Variants in NR2F1-AS1 observed in about 807,000 individuals in gnomAD.
NR2F1-AS1 encodes NR2F1 antisense RNA 1.
Position 93,497,388 on chromosome 5 carries a change from G to A in NR2F1-AS1, n.638+56373C>T, listed in dbSNP as rs139601214. 9.9e-5 allele frequency among the ~76,000 whole-genome samples: 15 copies of A among 152,252 alleles called. No homozygotes were observed. The East Asian group carries it at 2.9e-3, about 29-fold the overall frequency. On this transcript the variant is annotated intron_variant and non_coding_transcript_variant, in intron 4 of 5. Coordinates refer to ENST00000660523, the Ensembl canonical transcript of NR2F1-AS1. Reference sequence around the variant, plus strand: ...CTGGCTGGCTGAAACCAAATATAAGGTTGTGTTCTCTTCACCCAGCTGTCA... The same window carrying A: ...CTGGCTGGCTGAAACCAAATATAAGATTGTGTTCTCTTCACCCAGCTGTCA...
chr5:93,444,449 A>G (rs1420136843), intron 4 of NR2F1-AS1, among the ~76,000 whole-genome samples: 1 of 152,228 alleles, frequency 6.6e-6, no homozygotes, highest in Non-Finnish European at 1.5e-5. Context: ...AAAAGAGACA[A>G]ACAAGGCCAT....
intron 4 of NR2F1-AS1, among the ~76,000 whole-genome samples, chr5:93,462,480 T>C (rs762579639): frequency 5.9e-5 from 9 of 152,288 alleles, no homozygotes; most frequent in African/African-American, 2.2e-4. Context: ...GAAAATAGAA[T>C]AATATAGTAA....
In NR2F1-AS1 at chr5:93,505,085, G is replaced by C. The variant is rs1397643790; in HGVS notation, n.638+48676C>G. 2.0e-5 allele frequency among the ~76,000 whole-genome samples: 3 copies of C among 152,256 alleles called. No homozygotes were observed. The South Asian group carries it at 6.2e-4, about 32-fold the overall frequency. ...TAAATACAATGGGGGTACAGGTATT[G>C]GGTAAATACAGCTGTTCCAAATGAA... On this transcript the variant is annotated intron_variant and non_coding_transcript_variant, in intron 4 of 5. Coordinates refer to ENST00000660523, the Ensembl canonical transcript of NR2F1-AS1.
intron 1 of NR2F1-AS1, among the ~76,000 whole-genome samples, chr5:93,569,284 G>A (rs1320920788): frequency 1.3e-5 from 2 of 152,182 alleles, no homozygotes; most frequent in African/African-American, 4.8e-5. Context: ...GGCCAAGAGA[G>A]GCTTTAAGGG....
chr5:93,490,345 T>A (rs1007599364), intron 4 of NR2F1-AS1, among the ~76,000 whole-genome samples: 24 of 152,224 alleles, frequency 1.6e-4, no homozygotes, highest in African/African-American at 5.5e-4. Context: ...GTGTAAACTG[T>A]CACAAAAACT....
intron 4 of NR2F1-AS1, among the ~76,000 whole-genome samples, chr5:93,430,080 A>G (rs1363701173): frequency 2.0e-5 from 3 of 152,188 alleles, no homozygotes; most frequent in African/African-American, 7.2e-5. Context: ...CTCGACAATT[A>G]ATTTTTGCAG....
intron 4 of NR2F1-AS1, among the ~76,000 whole-genome samples, chr5:93,441,406 G>A (rs1338186760): frequency 6.6e-6 from 1 of 152,174 alleles, no homozygotes; most frequent in Non-Finnish European, 1.5e-5. Flanking sequence ...AAAGAAGAGA[G>A]ACCTTCAAGT....
At chr5:93,471,006 C>A (rs1019110386) in intron 4 of NR2F1-AS1, among the ~76,000 whole-genome samples, 1 of 151,676 alleles carries the variant, frequency 6.6e-6, no homozygotes, top group African/African-American at 2.4e-5. Context: ...TCCATTTATA[C>A]CAAATTTTAC....
intron 4 of NR2F1-AS1, among the ~76,000 whole-genome samples, chr5:93,468,890 T>G (rs1483609797): frequency 2.0e-5 from 3 of 152,322 alleles, no homozygotes; most frequent in African/African-American, 7.2e-5. Context: ...CCAGCACCAT[T>G]TATTAAGCAG....
At chr5:93,581,522 G>A (rs1377422951), upstream of NR2F1-AS1, among the ~76,000 whole-genome samples, 2 of 152,052 alleles carry the variant, frequency 1.3e-5, no homozygotes, top group African/African-American at 4.8e-5. Context: ...GAGGGACTCG[G>A]CTGTGTGCCG....
intron 4 of NR2F1-AS1, among the ~76,000 whole-genome samples, chr5:93,505,410 C>T (rs1032167436): frequency 6.6e-6 from 1 of 152,184 alleles, no homozygotes; most frequent in Non-Finnish European, 1.5e-5. Flanking sequence ...TCTCACAGCT[C>T]CACTAGGAAA....
intron 4 of NR2F1-AS1, among the ~76,000 whole-genome samples, chr5:93,511,599 T>C (rs901380761): frequency 2.0e-5 from 3 of 152,186 alleles, no homozygotes; most frequent in African/African-American, 4.8e-5. Flanking sequence ...GCCATCATAA[T>C]GTACTACATA....
intron 4 of NR2F1-AS1, among the ~76,000 whole-genome samples, chr5:93,477,426 T>A (rs1750508329): frequency 6.6e-6 from 1 of 152,176 alleles, no homozygotes; most frequent in African/African-American, 2.4e-5. Context: ...ACTATCAAGA[T>A]ACTATATGCA....
At chr5:93,448,776 GT>G (rs572642214) in intron 4 of NR2F1-AS1, among the ~76,000 whole-genome samples, 51 of 152,116 alleles carry the variant, frequency 3.4e-4, no homozygotes, top group Non-Finnish European at 6.8e-4. Context: ...TTCTATTGAG[GT>G]CTTCAGTTGA....
intron 4 of NR2F1-AS1, among the ~76,000 whole-genome samples, chr5:93,425,334 T>C (rs1749173477): frequency 6.6e-6 from 1 of 152,154 alleles, no homozygotes; most frequent in Non-Finnish European, 1.5e-5. Flanking sequence ...TGCAGCACAA[T>C]AACCTGGGCT....
chr5:93,443,964 A>T (rs1463978960), intron 4 of NR2F1-AS1, among the ~76,000 whole-genome samples: 1 of 152,202 alleles, frequency 6.6e-6, no homozygotes, highest in Non-Finnish European at 1.5e-5. Flanking sequence ...TTCATAAGTG[A>T]AGGAGAAATA....
At chr5:93,483,701 G>GA (rs1266730324) in intron 4 of NR2F1-AS1, among the ~76,000 whole-genome samples, 1 of 152,042 alleles carries the variant, frequency 6.6e-6, no homozygotes, top group African/African-American at 2.4e-5. Context: ...TAAGAACCTT[G>GA]AAAAAAGGTT....
At chr5:93,539,654 G>C (rs1751909600) in intron 4 of NR2F1-AS1, among the ~76,000 whole-genome samples, 1 of 152,118 alleles carries the variant, frequency 6.6e-6, no homozygotes, top group African/African-American at 2.4e-5. Context: ...TGGGTGCAAA[G>C]TTACAATTAG....
At chr5:93,490,161 TGTTA>T (rs200864844) in intron 4 of NR2F1-AS1, among the ~76,000 whole-genome samples, 3,347 of 152,334 alleles carry the variant, frequency 0.022, 110 homozygotes, top group African/African-American at 0.075. Context: ...GATTCTAGCT[TGTTA>T]GTTACAGAAA....
Sources: allele counts gnomAD v4.1 joint callset (sites outside exome capture counted in the v4.1 genomes callset), GRCh38; gene constraint gnomAD v4.1.1; transcripts MANE v1.5; gene names NCBI Gene and HGNC (gene_info 2026-07-23, HGNC 2026-07-21).